The following SEMA3E variants were observed in gnomAD, a reference collection of about 807,000 sequenced individuals.
SEMA3E encodes the protein semaphorin 3E.
SEMA3E carries 49 observed loss-of-function variants against 93.6 expected under a neutral mutation model. The ratio of observed to expected loss-of-function variants is 0.52; its 90% CI spans 0.42 to 0.66. The LOEUF (loss-of-function observed/expected upper bound fraction) is 0.66, where lower values mean the gene tolerates loss of function less well. Among genes scored for constraint, SEMA3E ranks in the 30% least tolerant of loss-of-function variants. The probability of loss-of-function intolerance (pLI) is 0.00; values close to 1 mark genes in which losing one functional copy is unlikely to be tolerated. For synonymous variants in SEMA3E, 363 were observed against 330.7 expected, an observed-to-expected ratio of 1.10 and a Z score of -1.06; for missense variants, 906 against 964.8, an observed-to-expected ratio of 0.94 and a Z score of 0.81.
At chr7:83,392,857 C>T in intron 13 of SEMA3E, 136 bp from the exon 14 acceptor site, 1 of 863,290 alleles carries the variant, frequency 1.2e-6, no homozygotes, top group Non-Finnish European at 1.9e-6. Flanking sequence ...TTAGCAGTTT[C>T]AGGAGTTTGA....
chr7:83,542,926 G>T (rs942331112), intron 1 of SEMA3E, among the ~76,000 whole-genome samples: 13 of 152,088 alleles, frequency 8.5e-5, no homozygotes, highest in Admixed American at 2.0e-4. Context: ...AGATAGTAGA[G>T]AATTTTAAAC....
chr7:83,447,155 A>C (rs1053334837), intron 4 of SEMA3E, among the ~76,000 whole-genome samples: 2 of 152,306 alleles, frequency 1.3e-5, no homozygotes, highest in Non-Finnish European at 2.9e-5. Context: ...ATAATGCTGA[A>C]TCTATATACT....
chr7:83,629,572 G>C (rs568261198), intron 1 of SEMA3E, among the ~76,000 whole-genome samples: 1 of 152,080 alleles, frequency 6.6e-6, no homozygotes, highest in African/African-American at 2.4e-5. Context: ...TGAATTTCCC[G>C]GTGGCTGTGT....
intron 14 of SEMA3E, among the ~76,000 whole-genome samples, chr7:83,391,118 T>C (rs1184693492): frequency 6.6e-6 from 1 of 152,190 alleles, no homozygotes; most frequent in Non-Finnish European, 1.5e-5. Flanking sequence ...TGGTACGGCA[T>C]GCTTGTTTTT....
chr7:83,466,391 C>T, intron 4 of SEMA3E, 91 bp downstream of exon 4: 1 of 1,478,822 alleles, frequency 6.8e-7, no homozygotes. Context: ...ATGCTTTTAT[C>T]TTTCTTGGGA....
chr7:83,484,173 T>A (rs1790205679), intron 2 of SEMA3E, among the ~76,000 whole-genome samples: 1 of 152,176 alleles, frequency 6.6e-6, no homozygotes, highest in African/African-American at 2.4e-5. Flanking sequence ...GGTGGTGGCT[T>A]TTTTACTCTA....
At chr7:83,581,657 C>T (rs141964294) in intron 1 of SEMA3E, among the ~76,000 whole-genome samples, 6 of 152,000 alleles carry the variant, frequency 3.9e-5, no homozygotes, top group East Asian at 3.9e-4. Flanking sequence ...TGGTATAAAA[C>T]GACATCACAT....
At chr7:83,506,945 C>T (rs923010120) in intron 1 of SEMA3E, among the ~76,000 whole-genome samples, 2 of 152,174 alleles carry the variant, frequency 1.3e-5, no homozygotes, top group Non-Finnish European at 2.9e-5. Flanking sequence ...AAGAATGAAA[C>T]TGAAGTTGTG....
chr7:83,528,900 TAA>T (rs1791225121), intron 1 of SEMA3E, among the ~76,000 whole-genome samples: 2 of 152,096 alleles, frequency 1.3e-5, no homozygotes, highest in South Asian at 2.1e-4. Context: ...AATTATACTA[TAA>T]AGGGTTTAAA....
Position 83,458,971 on chromosome 7 carries a change from G to GTA in SEMA3E, c.456+7510_456+7511insTA, listed in dbSNP as rs767682494. Reference sequence around the variant, plus strand: ...TATGTATATGTGTGTGTGTGTGTGTGTGTATATATATATATACACACACTG... The same window carrying GTA: ...TATGTATATGTGTGTGTGTGTGTGTGTATGTATATATATATATACACACACTG... On this transcript the variant is annotated intron_variant, in intron 4 of 16. Transcript: ENST00000643230. Among the ~76,000 whole-genome samples, 52 of 63,928 alleles carry GTA rather than the reference G, an allele frequency of 8.1e-4. No individual in the cohort carries two copies. In the East Asian group the frequency reaches 0.084, roughly 103 times the overall value. 41.9% of individuals were successfully genotyped at this position (63,928 alleles called of 152,430 possible).
intron 1 of SEMA3E, among the ~76,000 whole-genome samples, chr7:83,525,131 C>T (rs1791128893): frequency 6.6e-6 from 1 of 152,032 alleles, no homozygotes; most frequent in Non-Finnish European, 1.5e-5. Context: ...GACACTTTGT[C>T]TGAATACAGA....
At chr7:83,581,687 G>A (rs1319611622) in intron 1 of SEMA3E, among the ~76,000 whole-genome samples, 1 of 151,988 alleles carries the variant, frequency 6.6e-6, no homozygotes, top group Non-Finnish European at 1.5e-5. Flanking sequence ...ATCGCTGCAA[G>A]TGATAATTTC....
At chr7:83,639,702 C>T (rs1226482393) in intron 1 of SEMA3E, among the ~76,000 whole-genome samples, 1 of 148,992 alleles carries the variant, frequency 6.7e-6, no homozygotes, top group African/African-American at 2.5e-5. Context: ...AGGAAGTGTT[C>T]ATTAGTCCCT....
chr7:83,496,314 A>C (rs1305850157), intron 1 of SEMA3E, among the ~76,000 whole-genome samples: 2 of 152,036 alleles, frequency 1.3e-5, no homozygotes, highest in Non-Finnish European at 2.9e-5. Flanking sequence ...ATAATGTGTC[A>C]GAAATGAATG....
chr7:83,464,314 T>G (rs1385777396), intron 4 of SEMA3E, among the ~76,000 whole-genome samples: 1 of 151,744 alleles, frequency 6.6e-6, no homozygotes, highest in African/African-American at 2.4e-5. Context: ...AGCTCCTGTA[T>G]AGACGCTCCT....
At chr7:83,628,285 A>C (rs1157712521) in intron 1 of SEMA3E, among the ~76,000 whole-genome samples, 1 of 151,906 alleles carries the variant, frequency 6.6e-6, no homozygotes, top group Admixed American at 6.6e-5. Context: ...GCTCTTCTCA[A>C]GGTTATCTTC....
chr7:83,574,341 T>C (rs907039301), intron 1 of SEMA3E, among the ~76,000 whole-genome samples: 6 of 151,844 alleles, frequency 4.0e-5, no homozygotes, highest in African/African-American at 1.5e-4. Context: ...AAGAAAATGA[T>C]ATGGCATAGA....
intron 4 of SEMA3E, among the ~76,000 whole-genome samples, chr7:83,443,130 C>A (rs1396554275): frequency 6.6e-6 from 1 of 152,154 alleles, no homozygotes; most frequent in African/African-American, 2.4e-5. Flanking sequence ...AAAGAGACGT[C>A]CAGTTACTGC....
At chr7:83,564,552 T>C (rs1483300814) in intron 1 of SEMA3E, among the ~76,000 whole-genome samples, 2 of 152,240 alleles carry the variant, frequency 1.3e-5, no homozygotes, top group Non-Finnish European at 2.9e-5. Context: ...AACCCTAATC[T>C]TTACTAAAAT....
Sources: gnomAD v4.1 joint callset for allele counts (sites outside exome capture counted in the v4.1 genomes callset) on GRCh38, gnomAD v4.1.1 for gene constraint, MANE v1.5 for transcripts, NCBI Gene and HGNC (gene_info 2026-07-23, HGNC 2026-07-21) for gene names.